Variants in MEF2C observed in about 807,000 individuals in gnomAD.
MEF2C encodes myocyte enhancer factor 2C.
Under a neutral mutation model 50.5 loss-of-function variants are expected in MEF2C, and 6 were observed. That is an observed-to-expected ratio of 0.12 (90% CI 0.07 to 0.23). The LOEUF (loss-of-function observed/expected upper bound fraction) is 0.23. Ranked by LOEUF, MEF2C falls within the 10% of genes least tolerant of loss-of-function variation. The pLI is 1.00. For synonymous variants in MEF2C, 183 were observed against 228.0 expected, an observed-to-expected ratio of 0.80 and a Z score of 1.78; for missense variants, 276 against 605.0, an observed-to-expected ratio of 0.46 and a Z score of 5.70.
At chr5:88,769,890 C>T (rs1561925105) in intron 3 of MEF2C, 2 of 877,254 alleles carry the variant, frequency 2.3e-6, no homozygotes, top group Non-Finnish European at 2.7e-6. Flanking sequence ...ATGTAATCCA[C>T]CCACCTAAGC....
chr5:88,792,948 T>A (rs563453068), intron 3 of MEF2C, among the ~76,000 whole-genome samples: 45 of 152,360 alleles, frequency 3.0e-4, no homozygotes, highest in African/African-American at 1.0e-3. Flanking sequence ...CTTTCCTGTT[T>A]GTTTATTCTA....
At chr5:88,871,820 C>A (rs564008260) in intron 1 of MEF2C, among the ~76,000 whole-genome samples, 1 of 151,908 alleles carries the variant, frequency 6.6e-6, no homozygotes, top group Admixed American at 6.6e-5. Flanking sequence ...AATAAAAATA[C>A]CCAAATTAAG....
At chr5:88,876,083 T>G in intron 1 of MEF2C, among the ~76,000 whole-genome samples, 1 of 112,170 alleles carries the variant, frequency 8.9e-6, no homozygotes, top group South Asian at 2.8e-4. Context: ...TTTTTTTTTT[T>G]CCTTTTTAAA....
intron 1 of MEF2C, among the ~76,000 whole-genome samples, chr5:88,902,663 T>C (rs1419352132): frequency 6.6e-6 from 1 of 151,956 alleles, no homozygotes; most frequent in Non-Finnish European, 1.5e-5. Flanking sequence ...TTTTCCACTA[T>C]ACAATCATGT....
At chr5:88,877,761 C>A (rs568958207) in intron 1 of MEF2C, among the ~76,000 whole-genome samples, 1 of 151,816 alleles carries the variant, frequency 6.6e-6, no homozygotes, top group Admixed American at 6.6e-5. Flanking sequence ...AGTTATTTCA[C>A]GCATGAATGT....
intron 2 of MEF2C, among the ~76,000 whole-genome samples, chr5:88,818,318 C>T (rs1303930526): frequency 6.6e-6 from 1 of 151,832 alleles, no homozygotes. Context: ...CTTTTTAAAC[C>T]TTTGCATATA....
intron 8 of MEF2C, chr5:88,729,601 T>C: frequency 2.2e-6 from 1 of 445,110 alleles, no homozygotes; most frequent in Non-Finnish European, 4.1e-6. Context: ...ATAGCTTTAT[T>C]ATGGGTAAAA....
chr5:88,854,044 A>T lies in MEF2C; in HGVS notation c.-143+28911T>A, dbSNP rs555537794. Among the ~76,000 whole-genome samples, 16 of 152,326 alleles carry T rather than the reference A, an allele frequency of 1.1e-4. No homozygotes were observed. In the South Asian group the frequency reaches 3.3e-3, roughly 32 times the overall value. ...ACTGTAAAATTATAATTTAGGAAAG[A>T]GGTGGAAGCATTCTTTATCTATTAC... On this transcript the variant is annotated intron_variant, in intron 1 of 10. Transcript: ENST00000504921.
chr5:88,792,589 T>C (rs966488940), intron 3 of MEF2C, among the ~76,000 whole-genome samples: 3 of 152,232 alleles, frequency 2.0e-5, no homozygotes, highest in African/African-American at 7.2e-5. Context: ...TGCTGTCTCA[T>C]AGAGCTTTCT....
intron 3 of MEF2C, among the ~76,000 whole-genome samples, chr5:88,784,937 T>C (rs949784951): frequency 2.0e-5 from 3 of 152,230 alleles, no homozygotes; most frequent in Non-Finnish European, 4.4e-5. Context: ...AAGGAATCAC[T>C]TGTGGTCTGC....
intron 1 of MEF2C, among the ~76,000 whole-genome samples, chr5:88,831,647 A>T (rs2041085748): frequency 1.3e-5 from 2 of 152,074 alleles, no homozygotes; most frequent in African/African-American, 2.4e-5. Flanking sequence ...GAAGGTTTAC[A>T]CAGAAACTTT....
intron 3 of MEF2C, among the ~76,000 whole-genome samples, chr5:88,792,867 G>A (rs1395126119): frequency 1.3e-5 from 2 of 152,162 alleles, no homozygotes; most frequent in African/African-American, 4.8e-5. Flanking sequence ...CATTGGAACT[G>A]TAAAAACATT....
intron 1 of MEF2C, among the ~76,000 whole-genome samples, chr5:88,849,650 A>G (rs1820578499): frequency 6.6e-6 from 1 of 152,318 alleles, no homozygotes; most frequent in African/African-American, 2.4e-5. Flanking sequence ...GAAATTATCT[A>G]TCGTTAATCA....
At chr5:88,855,003 TAC>T (rs1187469160) in intron 1 of MEF2C, among the ~76,000 whole-genome samples, 1 of 152,236 alleles carries the variant, frequency 6.6e-6, no homozygotes, top group African/African-American at 2.4e-5. Flanking sequence ...TGTGGTTTAC[TAC>T]CCAAAGTGGT....
chr5:88,834,879 C>T (rs913136807), intron 1 of MEF2C, among the ~76,000 whole-genome samples: 2 of 152,164 alleles, frequency 1.3e-5, no homozygotes, highest in African/African-American at 4.8e-5. Context: ...GACAAAACCA[C>T]ACTCATTTGT....
intron 1 of MEF2C, among the ~76,000 whole-genome samples, chr5:88,852,093 T>C (rs1821574461): frequency 6.6e-6 from 1 of 152,152 alleles, no homozygotes; most frequent in Admixed American, 6.5e-5. Flanking sequence ...AAAAAATAAC[T>C]TACTGCTATC....
intron 3 of MEF2C, among the ~76,000 whole-genome samples, chr5:88,787,943 C>T (rs1394878607): frequency 3.3e-5 from 5 of 152,190 alleles, no homozygotes; most frequent in African/African-American, 1.2e-4. Flanking sequence ...TCTTTCTCCA[C>T]AAAATCACAT....
At position 88,823,910 on chromosome 5, in the gene MEF2C, A is replaced by C; in HGVS notation, c.-122T>G. The C allele has an allele frequency of 6.8e-7, 1 of 1,478,892 alleles. No individual in the cohort carries two copies. The highest frequency in any genetic ancestry group is 9.0e-7 in the Non-Finnish European group (1 of 1,113,810). 91.6% of individuals were successfully genotyped at this position (1,478,892 alleles called of 1,614,324 possible). A position where few individuals can be genotyped will look rare whatever the true frequency, so the allele number is the denominator to read the frequency against. ...TCAGCACTTGCACAGCTCAGTTCCC[A>C]AATTCCTGCATTCGTTCCTGCTGAA... On this transcript the variant is annotated 5_prime_UTR_variant, in exon 2 of 11. Coordinates refer to ENST00000504921, the MANE Select transcript of MEF2C (RefSeq NM_002397.5).
chr5:88,844,576 T>A, intron 1 of MEF2C: 2 of 733,204 alleles, frequency 2.7e-6, no homozygotes, highest in South Asian at 1.2e-4. Context: ...CTTTGAAAAC[T>A]GGGAAAATAT....
Sources: gnomAD v4.1 joint callset for allele counts (sites outside exome capture counted in the v4.1 genomes callset) on GRCh38, gnomAD v4.1.1 for gene constraint, MANE v1.5 for transcripts, NCBI Gene and HGNC (gene_info 2026-07-23, HGNC 2026-07-21) for gene names.